CACNA2D2: variants seen among roughly 807,000 people sequenced by gnomAD.
CACNA2D2 encodes calcium voltage-gated channel auxiliary subunit alpha2delta 2.
Under a neutral mutation model 166.4 loss-of-function variants are expected in CACNA2D2, and 48 were observed. The ratio of observed to expected loss-of-function variants is 0.29; its 90% CI spans 0.23 to 0.37. The LOEUF (loss-of-function observed/expected upper bound fraction) is 0.37. CACNA2D2 is among the 10% of genes least tolerant of loss of function. The pLI, the probability that CACNA2D2 is intolerant of heterozygous loss-of-function variation, is 1.00. For missense variants in CACNA2D2, 1,122 were observed against 1,433.0 expected, an observed-to-expected ratio of 0.78 and a Z score of 3.50; for synonymous variants, 561 against 573.7, an observed-to-expected ratio of 0.98 and a Z score of 0.32.
Position 50,380,122 on chromosome 3 carries a change from C to T in CACNA2D2, c.843-104G>A. ...TCAATACATTTCTCTTGAGCATGCA[C>T]TGTGTGGGCCAGGCAGGGTTCTATG... is the stretch of plus-strand genomic sequence containing the variant. On this transcript the variant is annotated intron_variant, in intron 8 of 37. Transcript: ENST00000424201. The surrounding 1 kb of genome is among the most constrained non-coding windows in gnomAD (Gnocchi z 4.9). 8.6e-7 allele frequency: 1 copy of T among 1,165,696 alleles called. No individual in the cohort carries two copies. Among genetic ancestry groups the T allele is most frequent in the Non-Finnish European group, 1.3e-6 (1 of 788,028 alleles). The allele number at this position is 1,165,696 out of a possible 1,614,324, so 72.2% of individuals were successfully genotyped here. A position where few individuals can be genotyped will look rare whatever the true frequency, so the allele number is the denominator to read the frequency against.
chr3:50,430,094 C>A (rs1223386923), intron 3 of CACNA2D2, among the ~76,000 whole-genome samples: 15 of 152,180 alleles, frequency 9.9e-5, no homozygotes, highest in Non-Finnish European at 1.5e-5. Flanking sequence ...GCGGGGCCTC[C>A]CACCACCTCT....
intron 1 of CACNA2D2, among the ~76,000 whole-genome samples, chr3:50,487,171 T>G (rs774613214): frequency 1.3e-5 from 2 of 149,910 alleles, no homozygotes; most frequent in African/African-American, 5.1e-5. Context: ...TCCCCTAGGC[T>G]GTCAGGCCTC....
At chr3:50,475,493 A>G (rs1248900259) in intron 2 of CACNA2D2, among the ~76,000 whole-genome samples, 1 of 152,032 alleles carries the variant, frequency 6.6e-6, no homozygotes, top group East Asian at 1.9e-4. Context: ...CCACGTAGAG[A>G]GCAATGGCTC....
In CACNA2D2 at chr3:50,379,870, C is replaced by T. The variant is rs115908300; in HGVS notation, c.894-46G>A. ...ACGTGGAGGAGCCAGGGGAACCTCA[C>T]GTGTTCTCCTGCCCATCCCCCAAGA... On this transcript the variant is annotated intron_variant, in intron 9 of 37. Coordinates refer to ENST00000424201, the MANE Select transcript of CACNA2D2 (RefSeq NM_006030.4). The surrounding 1 kb of genome is among the most constrained non-coding windows in gnomAD (Gnocchi z 6.5). 5.5e-4 allele frequency: 888 copies of T among 1,609,356 alleles called. 6 individuals carry two copies. The African/African-American group carries it at 0.011, about 20-fold the overall frequency.
chr3:50,376,941 C>T lies in CACNA2D2; in HGVS notation c.1626+526G>A, dbSNP rs1470992381. Among the ~76,000 whole-genome samples the T allele has an allele frequency of 6.6e-6, 1 of 152,238 alleles. No homozygotes were observed. Among genetic ancestry groups the T allele is most frequent in the Non-Finnish European group, 1.5e-5 (1 of 68,042 alleles). On this transcript the variant is annotated intron_variant, in intron 17 of 37. Transcript: ENST00000424201. This position sits in a 1 kb window ranked among gnomAD's most constrained non-coding sequence, Gnocchi z 4.3. ...TTGGCCAGAGAATTCCCTCTGCCTC[C>T]AATGTACGCCATCCCCTCCTTTCCT...
At chr3:50,411,054 G>A (rs948297094) in intron 3 of CACNA2D2, among the ~76,000 whole-genome samples, 9 of 152,218 alleles carry the variant, frequency 5.9e-5, no homozygotes, top group East Asian at 3.9e-4. Flanking sequence ...GGGAAGGGCT[G>A]TTCCTGTTGG....
intron 3 of CACNA2D2, among the ~76,000 whole-genome samples, chr3:50,414,387 C>T (rs1707171239): frequency 6.6e-6 from 1 of 152,210 alleles, no homozygotes; most frequent in South Asian, 2.1e-4. Context: ...ACTCTCTAAA[C>T]AAACAAGCAA....
chr3:50,454,344 G>C (rs1361911020), intron 2 of CACNA2D2, among the ~76,000 whole-genome samples: 1 of 152,198 alleles, frequency 6.6e-6, no homozygotes, highest in Non-Finnish European at 1.5e-5. Flanking sequence ...GGGCGTTGAT[G>C]GGGGAGACTC....
At chr3:50,453,904 T>G (rs1575711309) in intron 2 of CACNA2D2, among the ~76,000 whole-genome samples, 1 of 151,502 alleles carries the variant, frequency 6.6e-6, no homozygotes, top group African/African-American at 2.4e-5. Context: ...GGAAGGGAGG[T>G]GTGATCTGTG....
At chr3:50,464,921 C>G (rs955918790) in intron 2 of CACNA2D2, among the ~76,000 whole-genome samples, 13 of 152,224 alleles carry the variant, frequency 8.5e-5, no homozygotes, top group African/African-American at 3.1e-4. Context: ...TGGCTGCTGC[C>G]AAGAAGGGCC....
At chr3:50,466,814 A>C (rs1422349609) in intron 2 of CACNA2D2, among the ~76,000 whole-genome samples, 1 of 152,212 alleles carries the variant, frequency 6.6e-6, no homozygotes, top group African/African-American at 2.4e-5. Flanking sequence ...TCCATACCCC[A>C]TTTGATGGGA....
At chr3:50,498,081 T>TG (rs887350567) in intron 1 of CACNA2D2, among the ~76,000 whole-genome samples, 2 of 152,132 alleles carry the variant, frequency 1.3e-5, no homozygotes, top group Non-Finnish European at 2.9e-5. Flanking sequence ...GCACCAGGTC[T>TG]GGAGGCAAAT....
At chr3:50,455,336 T>C (rs1006739392) in intron 2 of CACNA2D2, among the ~76,000 whole-genome samples, 2 of 152,148 alleles carry the variant, frequency 1.3e-5, no homozygotes, top group African/African-American at 2.4e-5. Context: ...GGCCACGAGC[T>C]CAGAAACATC....
At position 50,370,305 on chromosome 3, in the gene CACNA2D2, C is replaced by T. The variant is rs1314801521; in HGVS notation, c.2045+15G>A. 1 of 1,572,196 alleles carries T rather than the reference C, an allele frequency of 6.4e-7. No individual in the cohort carries two copies. Among genetic ancestry groups the T allele is most frequent in the Non-Finnish European group, 8.6e-7 (1 of 1,159,110 alleles). The stretch of plus-strand genomic sequence containing the variant: ...GGTAGGGGAGGACACCTCAGCAAGG[C>T]CACACGCAAGCTACCTGGGAGCAAT... On this transcript the variant is annotated intron_variant, in intron 23 of 37. Coordinates refer to ENST00000424201, the MANE Select transcript of CACNA2D2 (RefSeq NM_006030.4).
intron 22 of CACNA2D2, among the ~76,000 whole-genome samples, chr3:50,371,494 G>A (rs1051842580): frequency 2.6e-5 from 4 of 152,198 alleles, no homozygotes; most frequent in African/African-American, 7.2e-5. Context: ...CCTGGGAGGG[G>A]TCCCTCTGCT....
At chr3:50,426,586 G>A (rs1464581658) in intron 3 of CACNA2D2, among the ~76,000 whole-genome samples, 1 of 152,186 alleles carries the variant, frequency 6.6e-6, no homozygotes, top group Non-Finnish European at 1.5e-5. Context: ...TGGTGGGGCT[G>A]ACCCATCAGG....
chr3:50,420,529 A>G (rs1707499425), intron 3 of CACNA2D2, among the ~76,000 whole-genome samples: 1 of 152,034 alleles, frequency 6.6e-6, no homozygotes. Flanking sequence ...GCCACATATG[A>G]CCCACTGCGG....
At position 50,365,393 on chromosome 3, in the gene CACNA2D2, A is replaced by C. The variant is rs145135167; in HGVS notation, c.3061T>G (p.Ser1021Ala). The change falls in exon 35 of 38, where the codon TCC (serine) becomes GCC (alanine). Residue 1021 changes from serine to alanine, a missense_variant. Ser to Ala is a moderately conservative substitution (Grantham distance 99, BLOSUM62 1). Transcript: ENST00000424201. The surrounding 1 kb of genome is among the most constrained non-coding windows in gnomAD (Gnocchi z 4.5). ...TQYYFGSVNA[S>A]YNAIIDCGNC... ...CCGCAGTCGATGATGGCGTTGTAGG[A>C]GGCGTTTACCGAGCCGAAGTAGTAC... is the stretch of plus-strand genomic sequence containing the variant. 66 of 1,613,368 alleles carry C rather than the reference A, an allele frequency of 4.1e-5. No individual in the cohort carries two copies. The highest frequency in any genetic ancestry group is 5.5e-5 in the Non-Finnish European group (65 of 1,179,846).
chr3:50,494,051 G>A (rs1365181867), intron 1 of CACNA2D2, among the ~76,000 whole-genome samples: 1 of 152,214 alleles, frequency 6.6e-6, no homozygotes, highest in African/African-American at 2.4e-5. Context: ...TGGGGTGCAA[G>A]GTCCCAGCTA....
Sources: gnomAD v4.1 joint callset for allele counts (sites outside exome capture counted in the v4.1 genomes callset) on GRCh38, gnomAD v4.1.1 for gene constraint, Gnocchi (gnomAD v3.1) non-coding constraint, MANE v1.5 for transcripts, NCBI Gene and HGNC (gene_info 2026-07-23, HGNC 2026-07-21) for gene names.